Variants in DTNBP1 observed in about 807,000 individuals in gnomAD.
The protein encoded by DTNBP1 is dysbindin.
A neutral mutation model predicts 42.8 loss-of-function variants in DTNBP1; 35 were observed. The observed-to-expected ratio is 0.82, with a 90% CI of 0.63 to 1.09. DTNBP1 has a LOEUF of 1.09. DTNBP1 is among the 50% of genes least tolerant of loss of function. DTNBP1 has a pLI of 0.00. For synonymous variants in DTNBP1, 171 were observed against 162.2 expected (o/e 1.05, Z -0.41); for missense variants, 457 against 424.2 (o/e 1.08, Z -0.68).
intron 3 of DTNBP1, 132 bp from the exon 4 acceptor site, chr6:15,637,936 G>T: frequency 1.0e-6 from 1 of 952,790 alleles, no homozygotes; most frequent in Non-Finnish European, 1.6e-6. Flanking sequence ...ATGTTGCAAG[G>T]ACACAGACGT....
At chr6:15,644,754 T>C (rs1443444227) in intron 3 of DTNBP1, among the ~76,000 whole-genome samples, 1 of 151,748 alleles carries the variant, frequency 6.6e-6, no homozygotes, top group Non-Finnish European at 1.5e-5. Flanking sequence ...AGACACAACA[T>C]ACCAAAACCT....
rs190241144 is a variant in DTNBP1, at chr6:15,587,685, C to T, written c.511+5374G>A. Reference sequence around the variant, plus strand: ...GTTCTAAGGCTTGTGAGGGAGACTTCGGGCATGGTGCAGCCTAGAGCCCCA... The same window carrying T: ...GTTCTAAGGCTTGTGAGGGAGACTTTGGGCATGGTGCAGCCTAGAGCCCCA... On this transcript the variant is annotated intron_variant, in intron 7 of 9. Coordinates refer to ENST00000344537, the MANE Select transcript of DTNBP1 (RefSeq NM_032122.5). This position sits in a 1 kb window ranked among gnomAD's most constrained non-coding sequence, Gnocchi z 4.1. 7.9e-5 allele frequency among the ~76,000 whole-genome samples: 12 copies of T among 152,280 alleles called. No individual in the cohort carries two copies. The East Asian group carries it at 2.1e-3, about 27-fold the overall frequency.
At chr6:15,523,957 C>G (rs1269074991) in intron 9 of DTNBP1, 2 of 1,287,458 alleles carry the variant, frequency 1.6e-6, no homozygotes, top group South Asian at 1.2e-5. Flanking sequence ...AAGAACTGGT[C>G]TGAAATTTGA....
intron 4 of DTNBP1, among the ~76,000 whole-genome samples, chr6:15,630,628 C>G (rs1376419746): frequency 6.6e-6 from 1 of 151,956 alleles, no homozygotes; most frequent in East Asian, 1.9e-4. Context: ...TTAGAAAAAG[C>G]CTAGACAGGC....
At chr6:15,528,395 A>T (rs1772566299) in intron 8 of DTNBP1, among the ~76,000 whole-genome samples, 1 of 152,098 alleles carries the variant, frequency 6.6e-6, no homozygotes, top group South Asian at 2.1e-4. Context: ...CACCCCAGGC[A>T]CGACAACCAA....
At chr6:15,589,425 T>C (rs552581253) in intron 7 of DTNBP1, among the ~76,000 whole-genome samples, 5 of 152,360 alleles carry the variant, frequency 3.3e-5, no homozygotes, top group African/African-American at 1.2e-4. Context: ...CTGCTTATTC[T>C]GCTGGTCTGG....
intron 6 of DTNBP1, among the ~76,000 whole-genome samples, chr6:15,599,230 G>A (rs1193374782): frequency 1.3e-5 from 2 of 152,192 alleles, no homozygotes; most frequent in African/African-American, 4.8e-5. Context: ...TGAGACAGGG[G>A]TAAGGGATAT....
At chr6:15,654,177 A>C (rs1242220085) in intron 1 of DTNBP1, among the ~76,000 whole-genome samples, 1 of 152,264 alleles carries the variant, frequency 6.6e-6, no homozygotes, top group African/African-American at 2.4e-5. Flanking sequence ...AGTAATTAGT[A>C]TACCTCTCTA....
intron 7 of DTNBP1, among the ~76,000 whole-genome samples, chr6:15,577,183 G>T (rs560131690): frequency 2.0e-5 from 3 of 152,228 alleles, no homozygotes; most frequent in African/African-American, 7.2e-5. Context: ...GCCTGCTGGA[G>T]GGAGCAAAAT....
In DTNBP1 at chr6:15,586,947, T is replaced by C. The variant is rs187234892; in HGVS notation, c.511+6112A>G. Among the ~76,000 whole-genome samples, 26 of 152,328 alleles carry C rather than the reference T, an allele frequency of 1.7e-4. No individual in the cohort carries two copies. In the East Asian group the frequency reaches 2.3e-3, roughly 14 times the overall value. On this transcript the variant is annotated intron_variant, in intron 7 of 9. Coordinates refer to ENST00000344537, the MANE Select transcript of DTNBP1 (RefSeq NM_032122.5). ...TCTTCTCGTGCCTGTCTGGTGAATGTTGGTGCTTCCTAGATTTCTATGCAT... is the reference window on the plus strand; with the variant it reads ...TCTTCTCGTGCCTGTCTGGTGAATGCTGGTGCTTCCTAGATTTCTATGCAT...
At chr6:15,535,646 T>C (rs1348684812) in intron 7 of DTNBP1, among the ~76,000 whole-genome samples, 1 of 152,142 alleles carries the variant, frequency 6.6e-6, no homozygotes, top group Non-Finnish European at 1.5e-5. Flanking sequence ...AGTGTGAATA[T>C]TGACTAATGC....
At chr6:15,642,378 CCCA>C (rs1479728457) in intron 3 of DTNBP1, among the ~76,000 whole-genome samples, 2 of 152,196 alleles carry the variant, frequency 1.3e-5, no homozygotes, top group Non-Finnish European at 2.9e-5. Context: ...GGTGTACCCA[CCCA>C]CCTTCTCCCC....
At chr6:15,618,796 T>C (rs528533675) in intron 5 of DTNBP1, among the ~76,000 whole-genome samples, 47 of 152,266 alleles carry the variant, frequency 3.1e-4, no homozygotes, top group African/African-American at 1.1e-3. Flanking sequence ...TGCAGCTCTA[T>C]ACACAATAGC....
At chr6:15,579,679 C>T (rs148992010) in intron 7 of DTNBP1, among the ~76,000 whole-genome samples, 3,296 of 152,262 alleles carry the variant, frequency 0.022, 41 homozygotes, top group Middle Eastern at 0.095. Context: ...GTGGCAGGCG[C>T]CTGTAATCCC....
intron 1 of DTNBP1, among the ~76,000 whole-genome samples, 158 bp downstream of exon 1, chr6:15,662,656 C>G (rs1248783165): frequency 1.3e-5 from 2 of 152,052 alleles, no homozygotes; most frequent in African/African-American, 4.8e-5. Context: ...GACGCGAGGA[C>G]GCCGGGAAGT....
intron 7 of DTNBP1, among the ~76,000 whole-genome samples, chr6:15,589,275 C>T (rs1776200683): frequency 1.3e-5 from 2 of 152,218 alleles, no homozygotes; most frequent in African/African-American, 4.8e-5. Context: ...TATTTTTACT[C>T]AAATTTAGCC....
rs1417540027 is a variant in DTNBP1 at position 15,523,124 on chromosome 6, TG to T, written c.906del (p.Cys302Ter). 1.9e-6 allele frequency: 3 copies of T among 1,614,170 alleles called. No individual in the cohort carries two copies. The Admixed American group carries it at 5.0e-5, about 27-fold the overall frequency. ...CTGATGTCCCGGGTGGCCGAGTCGG[TG>T]CAGGTGGAGGAAGAAGAAGGTGGCT... The part of the protein sequence containing the change: ...RAKPPSSSST[C>X]TDSATRDISE... On this transcript the variant is annotated frameshift_variant, in exon 10 of 10. Coordinates refer to ENST00000344537, the MANE Select transcript of DTNBP1 (RefSeq NM_032122.5). LOFTEE classifies it low-confidence loss of function (END_TRUNC).
At position 15,637,779 on chromosome 6, in the gene DTNBP1, G is replaced by C. The variant is rs2113769078; in HGVS notation, c.187C>G (p.His63Asp). ...CTTGCACAGTCTTTGGCTCTTCTGT[G>C]AAGTGCAGCCCATGTATCCTCATAC... is the stretch of plus-strand genomic sequence containing the variant. ...SRYEDTWAAL[H>D]RRAKDCASAG... is the part of the protein sequence containing the mutation. Residue 63 changes from histidine to aspartate, a missense_variant, in exon 4 of 10, where the codon CAC (histidine) becomes GAC (aspartate). By Grantham distance (81) the His-to-Asp change is moderately conservative. Transcript: ENST00000344537. 3 of 1,613,594 alleles carry C rather than the reference G, an allele frequency of 1.9e-6. No homozygotes were observed. Among genetic ancestry groups the C allele is most frequent in the East Asian group, 4.5e-5 (2 of 44,860 alleles).
intron 7 of DTNBP1, among the ~76,000 whole-genome samples, chr6:15,538,160 G>T (rs1671060507): frequency 1.3e-5 from 2 of 152,134 alleles, no homozygotes; most frequent in Non-Finnish European, 2.9e-5. Context: ...TCCTTAAAGG[G>T]GGAACATCTG....
Sources: gnomAD v4.1 joint callset for allele counts (sites outside exome capture counted in the v4.1 genomes callset) on GRCh38, gnomAD v4.1.1 for gene constraint, Gnocchi (gnomAD v3.1) non-coding constraint, MANE v1.5 for transcripts, NCBI Gene and HGNC (gene_info 2026-07-23, HGNC 2026-07-21) for gene names.